The following SUMF1 variants were observed in gnomAD, a reference collection of about 807,000 sequenced individuals.
The protein encoded by SUMF1 is sulfatase modifying factor 1.
SUMF1 carries 48 observed loss-of-function variants against 47.6 expected under a neutral mutation model. The observed-to-expected ratio is 1.01, with a 90% CI of 0.80 to 1.28. The LOEUF (loss-of-function observed/expected upper bound fraction) is 1.28, where lower values mean the gene tolerates loss of function less well. Among genes scored for constraint, SUMF1 ranks in the 50% most tolerant of loss-of-function variants. The probability of loss-of-function intolerance (pLI) is 0.00; values close to 1 mark genes in which losing one functional copy is unlikely to be tolerated. For missense variants in SUMF1, 571 were observed against 485.4 expected (o/e 1.18, Z -1.66); for synonymous variants, 230 against 192.1 (o/e 1.20, Z -1.63).
chr3:4,266,453 G>A (rs1207539406), intron 8 of SUMF1, among the ~76,000 whole-genome samples: 1 of 152,116 alleles, frequency 6.6e-6, no homozygotes, highest in Non-Finnish European at 1.5e-5. Flanking sequence ...CACATCCCTT[G>A]TAAGTTGGAT....
intron 7 of SUMF1, among the ~76,000 whole-genome samples, chr3:4,405,223 A>G (rs1489001360): frequency 6.6e-6 from 1 of 152,204 alleles, no homozygotes; most frequent in African/African-American, 2.4e-5. Context: ...ATCTGCAAGC[A>G]TGAGTATACA....
intron 9 of SUMF1, among the ~76,000 whole-genome samples, chr3:4,062,937 C>T (rs185968560): frequency 5.5e-4 from 84 of 152,214 alleles, no homozygotes; most frequent in African/African-American, 1.9e-3. Flanking sequence ...TGATGGCCAC[C>T]AGGTGATCTT....
rs191022798 is a variant in SUMF1 at position 4,362,402 on chromosome 3, C to T, written c.1015-148G>A. On this transcript the variant is annotated intron_variant, in intron 8 of 8. Coordinates refer to ENST00000272902, the MANE Select transcript of SUMF1 (RefSeq NM_182760.4). The stretch of plus-strand genomic sequence containing the variant: ...CTTAACATGTATGCTTTAAAAAGGG[C>T]AGCACATTCAAGAACTAACCACATA... 1,700 of 705,702 alleles carry T rather than the reference C, an allele frequency of 2.4e-3. 4 individuals carry two copies. Among genetic ancestry groups the T allele is most frequent in the Non-Finnish European group, 3.5e-3 (1,372 of 394,478 alleles). The allele number at this position is 705,702 out of a possible 1,614,324, so 43.7% of individuals were successfully genotyped here.
chr3:4,385,234 G>A (rs1158827409), intron 7 of SUMF1, among the ~76,000 whole-genome samples: 7 of 152,172 alleles, frequency 4.6e-5, no homozygotes, highest in Admixed American at 6.5e-5. Context: ...CAGAATGGCT[G>A]TACTCTGTCA....
At chr3:4,089,184 A>G (rs1692732803) in intron 8 of SUMF1, among the ~76,000 whole-genome samples, 1 of 152,140 alleles carries the variant, frequency 6.6e-6, no homozygotes, top group Non-Finnish European at 1.5e-5. Context: ...AAAGCATCCA[A>G]GATCTAGACT....
intron 8 of SUMF1, among the ~76,000 whole-genome samples, chr3:4,127,522 G>A (rs1693682381): frequency 6.6e-6 from 1 of 152,130 alleles, no homozygotes; most frequent in African/African-American, 2.4e-5. Flanking sequence ...CTCCCAGCCT[G>A]CATCTTTCTC....
rs538569413 is a variant in SUMF1 at position 4,132,652 on chromosome 3, C to T, written c.1015-63907G>A. Among the ~76,000 whole-genome samples the T allele has an allele frequency of 4.2e-4, 64 of 152,066 alleles. 2 individuals are homozygous for T. The highest frequency in any genetic ancestry group is 6.0e-4 in the Non-Finnish European group (41 of 67,990). On this transcript the variant is annotated intron_variant and NMD_transcript_variant, in intron 8 of 12. Transcript: ENST00000448413. ...GACGTCTTAGTTCCTGGGGGAGGAA[C>T]GCTGCCACCAGGAGACACGATTCCA...
intron 8 of SUMF1, among the ~76,000 whole-genome samples, chr3:4,168,083 G>A (rs1426645179): frequency 6.6e-6 from 1 of 152,116 alleles, no homozygotes; most frequent in South Asian, 2.1e-4. Context: ...ACCCAATACA[G>A]AGCCTCTATT....
chr3:4,275,754 T>G (rs1225452773), intron 8 of SUMF1, among the ~76,000 whole-genome samples: 1 of 152,086 alleles, frequency 6.6e-6, no homozygotes, highest in African/African-American at 2.4e-5. Flanking sequence ...GTTAGTTGAG[T>G]AGGTAACCTA....
At chr3:4,227,749 C>T (rs1426899880) in intron 8 of SUMF1, among the ~76,000 whole-genome samples, 32 of 152,120 alleles carry the variant, frequency 2.1e-4, no homozygotes, top group Non-Finnish European at 1.3e-4. Context: ...GGGAGGAGCA[C>T]AGCAGAGCTA....
At chr3:4,251,039 G>T (rs1254098652) in intron 8 of SUMF1, among the ~76,000 whole-genome samples, 1 of 152,154 alleles carries the variant, frequency 6.6e-6, no homozygotes, top group Non-Finnish European at 1.5e-5. Flanking sequence ...AGCTGCCATA[G>T]ATAATGATTC....
Position 4,399,301 on chromosome 3 carries a change from C to T in SUMF1, c.954+11564G>A, listed in dbSNP as rs138220905. On this transcript the variant is annotated intron_variant, in intron 7 of 8. Coordinates refer to ENST00000272902, the MANE Select transcript of SUMF1 (RefSeq NM_182760.4). ...CTGAGGCATATATCTTCTTTTAACC[C>T]GAAACACATTTCACCCTAAAAATCT... Among the ~76,000 whole-genome samples, 227 of 152,130 alleles carry T rather than the reference C, an allele frequency of 1.5e-3. 1 individual carries two copies. The highest frequency in any genetic ancestry group is 5.3e-3 in the African/African-American group (218 of 41,482).
In SUMF1 at chr3:4,061,968, G is replaced by A. The variant is rs147503234; in HGVS notation, c.1191+6601C>T. Among the ~76,000 whole-genome samples, 475 of 152,058 alleles carry A rather than the reference G, an allele frequency of 3.1e-3. 4 individuals are homozygous for A. Among genetic ancestry groups the A allele is most frequent in the African/African-American group, 0.011 (447 of 41,472 alleles). On this transcript the variant is annotated intron_variant and NMD_transcript_variant, in intron 9 of 12. Transcript: ENST00000448413. ...GATACCTGGTCCTCCCACCTCTTCT[G>A]TCCCACTGGACAGTTCATTTACACT...
At chr3:4,234,805 T>C (rs572063719) in intron 8 of SUMF1, among the ~76,000 whole-genome samples, 11 of 152,092 alleles carry the variant, frequency 7.2e-5, no homozygotes, top group Non-Finnish European at 1.6e-4. Flanking sequence ...GAAAAAAGCC[T>C]ACATGACATT....
At chr3:4,156,270 C>T (rs1428001377) in intron 8 of SUMF1, among the ~76,000 whole-genome samples, 1 of 151,460 alleles carries the variant, frequency 6.6e-6, no homozygotes, top group African/African-American at 2.5e-5. Flanking sequence ...ACAGGTCACA[C>T]AACTTTTATA....
chr3:4,037,879 T>G (rs1396135997), intron 9 of SUMF1, among the ~76,000 whole-genome samples: 1 of 152,200 alleles, frequency 6.6e-6, no homozygotes, highest in Non-Finnish European at 1.5e-5. Flanking sequence ...GGTCTTTATT[T>G]GTAACTGACA....
rs1034018587 is a variant in SUMF1, at chr3:4,403,506, A to C, written c.954+7359T>G. Reference sequence around the variant, plus strand: ...TTGCAAACCCAGTTATCCCAGGTGCAGCAGAAGAATGGGAATGCTTATCTA... The same window carrying C: ...TTGCAAACCCAGTTATCCCAGGTGCCGCAGAAGAATGGGAATGCTTATCTA... On this transcript the variant is annotated intron_variant, in intron 7 of 8. Coordinates refer to ENST00000272902, the MANE Select transcript of SUMF1 (RefSeq NM_182760.4). Among the ~76,000 whole-genome samples the C allele has an allele frequency of 4.6e-5, 7 of 152,324 alleles. 1 individual carries two copies.
At chr3:4,090,957 C>T (rs909677186) in intron 8 of SUMF1, among the ~76,000 whole-genome samples, 1 of 151,812 alleles carries the variant, frequency 6.6e-6, no homozygotes, top group African/African-American at 2.4e-5. Flanking sequence ...GGCACGCACC[C>T]ATAATCCCAG....
rs1559306152 is a variant in SUMF1 at position 4,447,605 on chromosome 3, TGAAGGTAAGTCAGA to T, written c.519+1647_519+1660del. Among the ~76,000 whole-genome samples the T allele has an allele frequency of 2.9e-3, 434 of 152,038 alleles. 2 individuals are homozygous for T. The highest frequency in any genetic ancestry group is 9.8e-3 in the African/African-American group (408 of 41,490). On this transcript the variant is annotated intron_variant, in intron 3 of 8. Transcript: ENST00000272902. ...AAAAAAAAAGGTCTGGTGCAGTGAA[TGAAGGTAAGTCAGA>T]CCTTATGAGGAGGATGAAAAAACAA...
Sources: gnomAD v4.1 joint callset for allele counts (sites outside exome capture counted in the v4.1 genomes callset) on GRCh38, gnomAD v4.1.1 for gene constraint, MANE v1.5 for transcripts, NCBI Gene and HGNC (gene_info 2026-07-23, HGNC 2026-07-21) for gene names.